Variants in SPAM1 observed in about 807,000 individuals in gnomAD.
SPAM1 encodes the protein hyaluronidase PH-20.
A neutral mutation model predicts 29.6 loss-of-function variants in SPAM1; 22 were observed. The observed-to-expected ratio is 0.74, with a 90% CI of 0.53 to 1.06. The LOEUF (loss-of-function observed/expected upper bound fraction) is 1.06. Among genes scored for constraint, SPAM1 ranks in the 50% least tolerant of loss-of-function variants. The pLI is 0.00. For missense variants in SPAM1, 534 were observed against 604.0 expected (o/e 0.88, Z 1.21); for synonymous variants, 194 against 204.6 (o/e 0.95, Z 0.44).
intron 5 of SPAM1, among the ~76,000 whole-genome samples, chr7:123,967,300 C>G (rs1563034979): frequency 1.3e-5 from 2 of 152,156 alleles, no homozygotes; most frequent in South Asian, 4.1e-4. Flanking sequence ...TCTGGTATTA[C>G]AATGCTAAAA....
chr7:123,956,724 A>G (rs904132161), intron 4 of SPAM1, among the ~76,000 whole-genome samples: 2 of 151,996 alleles, frequency 1.3e-5, no homozygotes, highest in African/African-American at 4.8e-5. Context: ...CATGCTCTTG[A>G]GATTATTTAC....
At chr7:123,949,435 G>T (rs1808692063) in intron 1 of SPAM1, among the ~76,000 whole-genome samples, 1 of 151,888 alleles carries the variant, frequency 6.6e-6, no homozygotes, top group East Asian at 1.9e-4. Flanking sequence ...GTGTATTTTT[G>T]TATTTTATTT....
chr7:123,934,255 AATC>A (rs1341670620), intron 1 of SPAM1, among the ~76,000 whole-genome samples: 1 of 152,186 alleles, frequency 6.6e-6, no homozygotes, highest in Non-Finnish European at 1.5e-5. Context: ...CAACATTGCT[AATC>A]ATCAGGAAAG....
At chr7:123,936,683 TAA>T (rs1483587680) in intron 1 of SPAM1, among the ~76,000 whole-genome samples, 1 of 152,164 alleles carries the variant, frequency 6.6e-6, no homozygotes, top group African/African-American at 2.4e-5. Context: ...ATAAATTCTA[TAA>T]AGTTTATGGG....
chr7:123,958,730 G>A (rs993354803), intron 4 of SPAM1, among the ~76,000 whole-genome samples: 6 of 151,774 alleles, frequency 4.0e-5, no homozygotes, highest in African/African-American at 1.2e-4. Flanking sequence ...TACTCAGGGG[G>A]CCAAGGCAGG....
chr7:123,948,078 T>C (rs1192731255), intron 1 of SPAM1, among the ~76,000 whole-genome samples: 1 of 152,138 alleles, frequency 6.6e-6, no homozygotes, highest in African/African-American at 2.4e-5. Flanking sequence ...AATCAAGTTA[T>C]CTATTTCTGG....
Position 123,953,979 on chromosome 7 carries a change from G to T in SPAM1, c.409G>T (p.Val137Leu). The T allele has an allele frequency of 6.2e-7, 1 of 1,613,752 alleles. No individual in the cohort carries two copies. Among genetic ancestry groups the T allele is most frequent in the Non-Finnish European group, 8.5e-7 (1 of 1,179,812 alleles). ...AKKDITFYMPVDNLGMAVIDW... is the reference protein window; with the variant it reads ...AKKDITFYMPLDNLGMAVIDW... ...GAAAGACATTACATTTTATATGCCA[G>T]TAGACAATTTGGGAATGGCTGTTAT... The change falls in exon 3 of 5, where the codon GTA (valine) becomes TTA (leucine). Residue 137 changes from valine (V) to leucine (L), a missense_variant. Physicochemically the swap from Val to Leu is conservative, Grantham distance 32. Coordinates refer to ENST00000682466, the MANE Select transcript of SPAM1 (RefSeq NM_153189.3).
intron 1 of SPAM1, among the ~76,000 whole-genome samples, chr7:123,948,153 T>A (rs1808646287): frequency 6.6e-6 from 1 of 152,312 alleles, no homozygotes; most frequent in East Asian, 1.9e-4. Context: ...ACACAAAAGC[T>A]CCTTTCATTC....
intron 4 of SPAM1, among the ~76,000 whole-genome samples, chr7:123,958,192 A>T (rs1250965303): frequency 6.6e-6 from 1 of 152,054 alleles, no homozygotes; most frequent in African/African-American, 2.4e-5. Flanking sequence ...AGCTGCCAAG[A>T]TTCCTTCACA....
At chr7:123,928,192 C>T (rs1807955431) in intron 1 of SPAM1, among the ~76,000 whole-genome samples, 1 of 152,072 alleles carries the variant, frequency 6.6e-6, no homozygotes, top group South Asian at 2.1e-4. Flanking sequence ...GAGTACTGCG[C>T]TACTTACAGG....
intron 1 of SPAM1, among the ~76,000 whole-genome samples, chr7:123,938,965 A>T (rs954766606): frequency 7.9e-5 from 12 of 152,054 alleles, no homozygotes; most frequent in African/African-American, 2.4e-4. Flanking sequence ...TGTTGGATTG[A>T]CTGAAAATCA....
chr7:123,965,267 T>C (rs1156730341), intron 5 of SPAM1, among the ~76,000 whole-genome samples: 1 of 151,882 alleles, frequency 6.6e-6, no homozygotes, highest in Non-Finnish European at 1.5e-5. Flanking sequence ...TTCCTATTCC[T>C]TTTCACTCCA....
In SPAM1 at chr7:123,953,823, G is replaced by A. The variant is rs375305055; in HGVS notation, c.253G>A (p.Gly85Arg). The A allele has an allele frequency of 1.9e-5, 31 of 1,613,148 alleles. No homozygotes were observed. The highest frequency in any genetic ancestry group is 8.9e-5 in the East Asian group (4 of 44,852). ...FIGSPRINAT[G>R]QGVTIFYVDR... Reference sequence around the variant, plus strand: ...AGGAAGCCCCCGAATAAACGCCACCGGGCAAGGTGTTACAATATTTTATGT... The same window carrying A: ...AGGAAGCCCCCGAATAAACGCCACCAGGCAAGGTGTTACAATATTTTATGT... Residue 85 changes from glycine to arginine, a missense_variant, in exon 3 of 5, where the codon GGG becomes AGG. Physicochemically the swap from Gly to Arg is moderately radical, Grantham distance 125. Transcript: ENST00000682466.
At position 123,953,602 on chromosome 7, in the gene SPAM1, TCAGAAGC is replaced by T; in HGVS notation, c.33_39del (p.Arg12LeufsTer10). On this transcript the variant is annotated frameshift_variant, in exon 3 of 5. Coordinates refer to ENST00000682466, the MANE Select transcript of SPAM1 (RefSeq NM_153189.3). LOFTEE classifies it high-confidence loss of function. ...GTGCTAAAATTCAAGCACATCTTTT[TCAGAAGC>T]TTTGTTAAATCAAGTGGAGTATCCC... 6.3e-7 allele frequency: 1 copy of T among 1,599,114 alleles called. No homozygotes were observed. Among genetic ancestry groups the T allele is most frequent in the South Asian group, 1.1e-5 (1 of 87,920 alleles).
Position 123,959,763 on chromosome 7 carries a change from AGTT to A in SPAM1, c.1327_1329del (p.Cys443del), listed in dbSNP as rs766298802. 1.2e-5 allele frequency: 19 copies of A among 1,613,098 alleles called. No homozygotes were observed. In the East Asian group the frequency reaches 3.8e-4, roughly 32 times the overall value. The stretch of plus-strand genomic sequence containing the variant: ...TTATTGCAGCTGTTATAGCACCTTG[AGTT>A]GTAAGGAGAAAGCTGATGTAAAAGA... On this transcript the variant is annotated inframe_deletion, in exon 5 of 5. Transcript: ENST00000682466.
intron 1 of SPAM1, among the ~76,000 whole-genome samples, chr7:123,944,733 T>C (rs1284776184): frequency 3.3e-5 from 5 of 152,064 alleles, no homozygotes; most frequent in Non-Finnish European, 7.4e-5. Flanking sequence ...CCAAAACAAT[T>C]ATGACCCAAA....
chr7:123,937,405 T>A (rs1410977521), intron 1 of SPAM1, among the ~76,000 whole-genome samples: 1 of 151,906 alleles, frequency 6.6e-6, no homozygotes, highest in Non-Finnish European at 1.5e-5. Flanking sequence ...ATCGAGACCA[T>A]CCTGGATAAC....
At position 123,953,712 on chromosome 7, in the gene SPAM1, C is replaced by T. The variant is rs1792172162; in HGVS notation, c.142C>T (p.Pro48Ser). Residue 48 changes from proline to serine, a missense_variant, in exon 3 of 5, where the codon CCT becomes TCT. Physicochemically the swap from Pro to Ser is moderately conservative, Grantham distance 74 (BLOSUM62 -1). Transcript: ENST00000682466. ...AGCACCTCCTGTTATTCCAAATGTG[C>T]CTTTCCTCTGGGCCTGGAATGCCCC... is the stretch of plus-strand genomic sequence containing the variant. ...FRAPPVIPNV[P>S]FLWAWNAPSE... 6.2e-7 allele frequency: 1 copy of T among 1,613,322 alleles called. No homozygotes were observed. The highest frequency in any genetic ancestry group is 1.7e-4 in the Middle Eastern group (1 of 6,056).
chr7:123,946,996 G>A (rs951812150), intron 1 of SPAM1, among the ~76,000 whole-genome samples: 2 of 152,014 alleles, frequency 1.3e-5, no homozygotes, highest in African/African-American at 4.8e-5. Context: ...CTAGGTTGAC[G>A]TTTCCCTTGG....
Sources: gnomAD v4.1 joint callset for allele counts (sites outside exome capture counted in the v4.1 genomes callset) on GRCh38, gnomAD v4.1.1 for gene constraint, MANE v1.5 for transcripts, NCBI Gene and HGNC (gene_info 2026-07-23, HGNC 2026-07-21) for gene names.